SORCS1: variants seen among roughly 807,000 people sequenced by gnomAD.
SORCS1 encodes sortilin related VPS10 domain containing receptor 1.
Under a neutral mutation model 146.1 loss-of-function variants are expected in SORCS1, and 60 were observed. The ratio of observed to expected loss-of-function variants is 0.41; its 90% confidence interval spans 0.33 to 0.51. SORCS1 has a LOEUF of 0.51. Among genes scored for constraint, SORCS1 ranks in the 20% least tolerant of loss-of-function variants. SORCS1 has a pLI of 0.21. For synonymous variants in SORCS1, 637 were observed against 584.0 expected (o/e 1.09, Z -1.31); for missense variants, 1,352 against 1,487.6 (o/e 0.91, Z 1.50).
In SORCS1 at chr10:106,629,309, T is replaced by C; in HGVS notation, c.2555A>G (p.Glu852Gly). 1 of 1,614,144 alleles carries C rather than the reference T, an allele frequency of 6.2e-7. No individual in the cohort carries two copies. Among genetic ancestry groups the C allele is most frequent in the East Asian group, 2.2e-5 (1 of 44,866 alleles). Residue 852 changes from glutamate (E) to glycine (G), a missense_variant, in exon 19 of 26, where the codon GAA (glutamate) becomes GGA (glycine). Glu to Gly is a moderately conservative substitution (Grantham distance 98). Coordinates refer to ENST00000263054, the MANE Select transcript of SORCS1 (RefSeq NM_052918.5). ...CTGATAGACGTGTTTGATCCCATCT[T>C]CCATGGAGCTGAGATTGACGTAAGA... is the stretch of plus-strand genomic sequence containing the variant. ...AVSYVNLSSMEDGIKHVYQNV... is the reference protein window; with the variant it reads ...AVSYVNLSSMGDGIKHVYQNV...
chr10:106,731,700 T>C (rs760310344), intron 5 of SORCS1, among the ~76,000 whole-genome samples: 15 of 152,074 alleles, frequency 9.9e-5, no homozygotes, highest in African/African-American at 1.7e-4. Context: ...AGGCATCCTC[T>C]TCCCCCAACA....
chr10:107,153,605 AT>A (rs1422735881), intron 1 of SORCS1, among the ~76,000 whole-genome samples: 1 of 152,208 alleles, frequency 6.6e-6, no homozygotes, highest in African/African-American at 2.4e-5. Context: ...AGACAGAGTG[AT>A]CTTGCTCTTT....
At chr10:106,732,818 CAACA>C (rs1270637009) in intron 5 of SORCS1, among the ~76,000 whole-genome samples, 1 of 152,060 alleles carries the variant, frequency 6.6e-6, no homozygotes. Flanking sequence ...ACTGCCTTAT[CAACA>C]AACAAAAAAC....
intron 1 of SORCS1, among the ~76,000 whole-genome samples, chr10:107,133,619 C>T (rs1290307809): frequency 2.6e-5 from 4 of 152,146 alleles, no homozygotes; most frequent in South Asian, 2.1e-4. Context: ...GAAACCCAGG[C>T]TGCTGGAAGG....
intron 19 of SORCS1, among the ~76,000 whole-genome samples, chr10:106,628,692 C>T (rs1427324795): frequency 1.3e-5 from 2 of 152,166 alleles, no homozygotes; most frequent in East Asian, 3.8e-4. Flanking sequence ...AACACCAAGT[C>T]ATCCACAGAT....
chr10:106,697,029 C>T (rs998160272), intron 9 of SORCS1, among the ~76,000 whole-genome samples: 28 of 152,122 alleles, frequency 1.8e-4, no homozygotes, highest in Admixed American at 8.5e-4. Context: ...TGACTTCATG[C>T]CAGTGGATGC....
chr10:107,058,039 AT>A (rs869039853), intron 1 of SORCS1, among the ~76,000 whole-genome samples: 9 of 150,952 alleles, frequency 6.0e-5, no homozygotes, highest in Admixed American at 2.0e-4. Flanking sequence ...TTTAAAAAAA[AT>A]TTTTTTTTTA....
At chr10:106,798,389 T>C (rs533798272) in intron 3 of SORCS1, among the ~76,000 whole-genome samples, 1 of 152,310 alleles carries the variant, frequency 6.6e-6, no homozygotes, top group African/African-American at 2.4e-5. Flanking sequence ...GCTGCACCTA[T>C]TAACTTGTCA....
At chr10:106,693,446 C>A (rs1417416583) in intron 9 of SORCS1, among the ~76,000 whole-genome samples, 1 of 152,106 alleles carries the variant, frequency 6.6e-6, no homozygotes, top group African/African-American at 2.4e-5. Flanking sequence ...CTAGAGTGGC[C>A]TGAGAGAAAT....
chr10:106,706,780 T>G lies in SORCS1; in HGVS notation c.1144-146A>C, dbSNP rs1229921032. The G allele has an allele frequency of 3.8e-5, 27 of 711,212 alleles. No homozygotes were observed. The East Asian group carries it at 7.1e-4, about 19-fold the overall frequency. 44.1% of individuals were successfully genotyped at this position (711,212 alleles called of 1,614,324 possible). A position where few individuals can be genotyped will look rare whatever the true frequency, so the allele number is the denominator to read the frequency against. On this transcript the variant is annotated intron_variant, in intron 7 of 25. Transcript: ENST00000263054. The stretch of plus-strand genomic sequence containing the variant: ...GCGGACAAGTGTAAAGAATTGGCCT[T>G]CAGTTCAAACACAACTTATAAAGAC...
intron 2 of SORCS1, among the ~76,000 whole-genome samples, chr10:106,892,178 T>C (rs570758784): frequency 5.8e-4 from 89 of 152,356 alleles, no homozygotes; most frequent in African/African-American, 2.0e-3. Flanking sequence ...GAGATTTCCC[T>C]TGAAGCCAAA....
chr10:107,124,953 C>CTTTTTTTTTTTTTTTTTTTT (rs577523339), intron 1 of SORCS1, among the ~76,000 whole-genome samples: 1 of 121,612 alleles, frequency 8.2e-6, no homozygotes, highest in Non-Finnish European at 1.7e-5. Context: ...TTTTCTTTTT[C>CTTTTTTTTTTTTTTTTTTTT]TTTTTTTTTT....
chr10:106,713,657 C>T (rs997809288), intron 6 of SORCS1, among the ~76,000 whole-genome samples: 10 of 152,168 alleles, frequency 6.6e-5, no homozygotes, highest in African/African-American at 2.4e-4. Context: ...AGTATACCAA[C>T]TGACTTTGCA....
chr10:106,962,706 G>A (rs980318652), intron 1 of SORCS1, among the ~76,000 whole-genome samples: 2 of 152,118 alleles, frequency 1.3e-5, no homozygotes, highest in African/African-American at 4.8e-5. Flanking sequence ...GGATGGCATG[G>A]GCTGGTGCTT....
intron 4 of SORCS1, among the ~76,000 whole-genome samples, chr10:106,772,346 T>C (rs1860085048): frequency 6.6e-6 from 1 of 152,132 alleles, no homozygotes; most frequent in Non-Finnish European, 1.5e-5. Flanking sequence ...GCCTTCAAAC[T>C]TGGACTGAAT....
intron 1 of SORCS1, among the ~76,000 whole-genome samples, chr10:107,157,360 AT>A (rs1482929532): frequency 6.6e-6 from 1 of 152,222 alleles, no homozygotes; most frequent in East Asian, 1.9e-4. Context: ...ACCAAATGTT[AT>A]TTGACCTTCT....
At chr10:107,161,143 G>C (rs1305255640) in intron 1 of SORCS1, among the ~76,000 whole-genome samples, 2 of 152,170 alleles carry the variant, frequency 1.3e-5, no homozygotes, top group Non-Finnish European at 2.9e-5. Context: ...AACAGCTGAG[G>C]GGGCAGGAAA....
chr10:106,779,826 A>G (rs1176989955), intron 3 of SORCS1, among the ~76,000 whole-genome samples: 1 of 152,126 alleles, frequency 6.6e-6, no homozygotes, highest in Non-Finnish European at 1.5e-5. Flanking sequence ...TAGACACACA[A>G]ATGCACACAC....
At chr10:107,096,805 C>T (rs1964574120) in intron 1 of SORCS1, among the ~76,000 whole-genome samples, 1 of 152,144 alleles carries the variant, frequency 6.6e-6, no homozygotes, top group African/African-American at 2.4e-5. Flanking sequence ...AGCCACCGCA[C>T]CCGGCCCTAT....
Sources: allele counts gnomAD v4.1 joint callset (sites outside exome capture counted in the v4.1 genomes callset), GRCh38; gene constraint gnomAD v4.1.1; transcripts MANE v1.5; gene names NCBI Gene and HGNC (gene_info 2026-07-23, HGNC 2026-07-21).